The following DOCK3 variants were observed in gnomAD, a reference collection of about 807,000 sequenced individuals.
The protein encoded by DOCK3 is dedicator of cytokinesis 3.
Under a neutral mutation model 265.6 loss-of-function variants are expected in DOCK3, and 60 were observed. That is an observed-to-expected ratio of 0.23 (90% CI 0.18 to 0.28). DOCK3 has a LOEUF of 0.28. DOCK3 is among the 10% of genes least tolerant of loss of function. DOCK3 has a pLI of 1.00. For synonymous variants in DOCK3, 881 were observed against 938.0 expected (o/e 0.94, Z 1.11); for missense variants, 1,981 against 2,594.3 (o/e 0.76, Z 5.14).
At chr3:50,815,031 G>C (rs2043995768) in intron 2 of DOCK3, among the ~76,000 whole-genome samples, 1 of 151,924 alleles carries the variant, frequency 6.6e-6, no homozygotes, top group Non-Finnish European at 1.5e-5. Flanking sequence ...CACCATGTTG[G>C]CCAGGATGGT....
intron 9 of DOCK3, among the ~76,000 whole-genome samples, chr3:51,091,137 C>G (rs1308989292): frequency 1.3e-5 from 2 of 152,176 alleles, no homozygotes; most frequent in African/African-American, 4.8e-5. Flanking sequence ...ACCAATGGCT[C>G]CTAGTATGTG....
At chr3:50,900,108 A>G (rs2049104092) in intron 4 of DOCK3, among the ~76,000 whole-genome samples, 2 of 152,182 alleles carry the variant, frequency 1.3e-5, no homozygotes, top group South Asian at 4.2e-4. Flanking sequence ...ACTTTCAGGT[A>G]CACCAATCAA....
intron 12 of DOCK3, among the ~76,000 whole-genome samples, chr3:51,170,321 A>T (rs1300502026): frequency 6.6e-6 from 1 of 152,168 alleles, no homozygotes; most frequent in East Asian, 1.9e-4. Flanking sequence ...TTTGAGAAGG[A>T]TTGACATTAA....
chr3:50,761,157 T>C (rs2040508522), intron 1 of DOCK3, among the ~76,000 whole-genome samples: 1 of 152,122 alleles, frequency 6.6e-6, no homozygotes, highest in African/African-American at 2.4e-5. Flanking sequence ...TTTTTAAAAA[T>C]TTAGCTTTTA....
chr3:51,233,800 G>A (rs2078242152), intron 19 of DOCK3, among the ~76,000 whole-genome samples: 2 of 152,194 alleles, frequency 1.3e-5, no homozygotes, highest in Non-Finnish European at 2.9e-5. Flanking sequence ...CAGCTTGAAC[G>A]TTGTTGGTGT....
intron 27 of DOCK3, among the ~76,000 whole-genome samples, chr3:51,281,553 G>T (rs1203088232): frequency 1.3e-5 from 2 of 151,922 alleles, no homozygotes; most frequent in Non-Finnish European, 2.9e-5. Flanking sequence ...TTGCCTTATG[G>T]TCAAATCTAT....
chr3:50,834,106 C>T (rs2045362090), intron 2 of DOCK3, among the ~76,000 whole-genome samples: 2 of 151,846 alleles, frequency 1.3e-5, no homozygotes, highest in African/African-American at 2.4e-5. Context: ...ATGAACATTT[C>T]AGCTCTCCAG....
At chr3:50,918,121 G>A (rs2050226529) in intron 4 of DOCK3, among the ~76,000 whole-genome samples, 1 of 152,066 alleles carries the variant, frequency 6.6e-6, no homozygotes, top group Admixed American at 6.6e-5. Flanking sequence ...AGTATTCCAT[G>A]GTGTATGTGT....
chr3:50,714,848 C>T, intron 1 of DOCK3, among the ~76,000 whole-genome samples: 1 of 152,192 alleles, frequency 6.6e-6, no homozygotes, highest in Non-Finnish European at 1.5e-5. Context: ...TTTGCACATG[C>T]TCTTCTAACA....
At chr3:51,283,368 G>A (rs1198282184) in intron 27 of DOCK3, among the ~76,000 whole-genome samples, 1 of 152,140 alleles carries the variant, frequency 6.6e-6, no homozygotes, top group Admixed American at 6.5e-5. Context: ...GCCATGGTTT[G>A]GCTCCTAATT....
chr3:50,802,042 G>C lies in DOCK3; in HGVS notation c.121+23284G>C, dbSNP rs567527580. On this transcript the variant is annotated intron_variant, in intron 2 of 52. Coordinates refer to ENST00000266037, the MANE Select transcript of DOCK3 (RefSeq NM_004947.5). ...CTCACTTTTGGTTTTCTTTTGCATG[G>C]AATATCTTTTTTATTCCTTCAGTTA... is the stretch of plus-strand genomic sequence containing the variant. Among the ~76,000 whole-genome samples the C allele has an allele frequency of 4.5e-4, 68 of 152,160 alleles. 1 individual carries two copies. In the South Asian group the frequency reaches 0.014, roughly 31 times the overall value.
At chr3:51,324,116 G>A (rs943729809) in intron 32 of DOCK3, among the ~76,000 whole-genome samples, 3 of 152,174 alleles carry the variant, frequency 2.0e-5, no homozygotes, top group Admixed American at 6.5e-5. Flanking sequence ...ATTCAAATAG[G>A]AAGAGAGGAA....
chr3:51,075,216 C>G, intron 6 of DOCK3, 140 bp from the exon 7 acceptor site: 2 of 621,906 alleles, frequency 3.2e-6, no homozygotes, highest in Middle Eastern at 2.6e-4. Context: ...TTAGTTGTTG[C>G]TGTATAAAGA....
chr3:50,695,804 G>GA (rs1384391960), intron 1 of DOCK3, among the ~76,000 whole-genome samples: 2 of 152,154 alleles, frequency 1.3e-5, no homozygotes, highest in African/African-American at 4.8e-5. Flanking sequence ...TCTGTTAAAA[G>GA]AAAAACTTCA....
At chr3:50,955,772 C>T (rs1028459325) in intron 5 of DOCK3, among the ~76,000 whole-genome samples, 1 of 152,094 alleles carries the variant, frequency 6.6e-6, no homozygotes, top group African/African-American at 2.4e-5. Flanking sequence ...ATCTGTACAA[C>T]AAACTCCTGT....
At chr3:50,734,769 AT>A (rs1408804734) in intron 1 of DOCK3, among the ~76,000 whole-genome samples, 1 of 151,638 alleles carries the variant, frequency 6.6e-6, no homozygotes, top group Non-Finnish European at 1.5e-5. Context: ...TGTCTGGCTA[AT>A]TTTTTTGTAT....
At chr3:50,896,671 C>CTGTA (rs1339612578) in intron 4 of DOCK3, among the ~76,000 whole-genome samples, 1 of 151,832 alleles carries the variant, frequency 6.6e-6, no homozygotes, top group Non-Finnish European at 1.5e-5. Flanking sequence ...GTATAAGATT[C>CTGTA]TGTAAGGAAG....
chr3:51,250,244 G>C (rs1467367021), intron 22 of DOCK3, among the ~76,000 whole-genome samples: 1 of 145,144 alleles, frequency 6.9e-6, no homozygotes, highest in Non-Finnish European at 1.5e-5. Context: ...ATCCCCCTCT[G>C]TGAGAAACAC....
chr3:51,221,172 C>T (rs1031122243), intron 14 of DOCK3, among the ~76,000 whole-genome samples: 1 of 152,140 alleles, frequency 6.6e-6, no homozygotes, highest in African/African-American at 2.4e-5. Flanking sequence ...CTTTTAAGAT[C>T]GCTCACTCCA....
Sources: gnomAD v4.1 joint callset for allele counts (sites outside exome capture counted in the v4.1 genomes callset) on GRCh38, gnomAD v4.1.1 for gene constraint, MANE v1.5 for transcripts, NCBI Gene and HGNC (gene_info 2026-07-23, HGNC 2026-07-21) for gene names.